The following TRPM3 variants were observed in gnomAD, a reference collection of about 807,000 sequenced individuals.
TRPM3 encodes the protein transient receptor potential cation channel subfamily M member 3.
In TRPM3, 77 loss-of-function variants were observed where a neutral mutation model predicts 181.2. The ratio of observed to expected loss-of-function variants is 0.42; its 90% CI spans 0.35 to 0.51. The LOEUF (loss-of-function observed/expected upper bound fraction) is 0.51, where lower values mean the gene tolerates loss of function less well. Ranked by LOEUF, TRPM3 falls within the 20% of genes least tolerant of loss-of-function variation. The pLI is 0.01. For missense variants in TRPM3, 1,759 were observed against 2,196.7 expected (o/e 0.80, Z 3.98); for synonymous variants, 745 against 796.4 (o/e 0.94, Z 1.09).
intron 8 of TRPM3, among the ~76,000 whole-genome samples, chr9:70,699,135 T>C (rs930414293): frequency 3.9e-5 from 6 of 152,312 alleles, no homozygotes; most frequent in African/African-American, 1.2e-4. Flanking sequence ...GCCTCTATCA[T>C]TAGCAGCCTA....
intron 1 of TRPM3, among the ~76,000 whole-genome samples, chr9:70,965,847 G>C (rs2097179523): frequency 6.6e-6 from 1 of 151,698 alleles, no homozygotes; most frequent in Non-Finnish European, 1.5e-5. Flanking sequence ...ATTTTCTTAG[G>C]ATAGTACCAG....
At chr9:70,624,813 T>A (rs968036136) in intron 14 of TRPM3, among the ~76,000 whole-genome samples, 2 of 152,224 alleles carry the variant, frequency 1.3e-5, no homozygotes, top group Non-Finnish European at 2.9e-5. Context: ...ATGTTTTTGT[T>A]TGTAAACATG....
At chr9:71,363,926 G>A (rs1254710772) in intron 1 of TRPM3, among the ~76,000 whole-genome samples, 1 of 152,178 alleles carries the variant, frequency 6.6e-6, no homozygotes, top group African/African-American at 2.4e-5. Context: ...TGAAATGCAT[G>A]GCCCAGCACA....
chr9:70,864,273 T>C (rs2095589981), intron 2 of TRPM3, among the ~76,000 whole-genome samples, 159 bp downstream of exon 2: 1 of 152,034 alleles, frequency 6.6e-6, no homozygotes, highest in South Asian at 2.1e-4. Flanking sequence ...TGACATATTA[T>C]ATAGTGTGTA....
At chr9:70,911,354 G>T (rs772921093) in intron 1 of TRPM3, among the ~76,000 whole-genome samples, 9 of 152,108 alleles carry the variant, frequency 5.9e-5, no homozygotes, top group Non-Finnish European at 7.4e-5. Flanking sequence ...CTTCCCCAAG[G>T]CTCCATTTAG....
At position 70,784,185 on chromosome 9, in the gene TRPM3, G is replaced by T; in HGVS notation, c.1068C>A (p.Pro356=). 6.2e-7 allele frequency: 1 copy of T among 1,613,730 alleles called. No individual in the cohort carries two copies. The highest frequency in any genetic ancestry group is 8.5e-7 in the Non-Finnish European group (1 of 1,179,814). ...IVLEYLRDTP[P]VPVVVCDGSG... ...TCCCATCACAGACAACCACTGGCAC[G>T]GGAGGGGTGTCTCGAAGGTACTCCA... The change falls in exon 7 of 26, where the codon CCC becomes CCA. Residue 356 remains proline (P), a synonymous_variant. Coordinates refer to ENST00000677713, the MANE Select transcript of TRPM3 (RefSeq NM_001366145.2).
chr9:71,311,190 G>C (rs986883762), intron 1 of TRPM3, among the ~76,000 whole-genome samples: 1 of 152,080 alleles, frequency 6.6e-6, no homozygotes, highest in East Asian at 1.9e-4. Context: ...TTAAAAAATT[G>C]TGCACAAAGT....
chr9:70,892,149 T>C (rs1477538334), intron 1 of TRPM3, among the ~76,000 whole-genome samples: 4 of 152,192 alleles, frequency 2.6e-5, no homozygotes, highest in African/African-American at 9.7e-5. Flanking sequence ...CCATGTTATT[T>C]TAACATTTTG....
chr9:70,654,609 A>G (rs2060022715), intron 9 of TRPM3, among the ~76,000 whole-genome samples: 1 of 152,014 alleles, frequency 6.6e-6, no homozygotes, highest in Non-Finnish European at 1.5e-5. Context: ...TCCTCCTTTT[A>G]AGAAAAACAG....
chr9:70,917,590 T>A (rs1457821965), intron 1 of TRPM3: 1 of 505,694 alleles, frequency 2.0e-6, no homozygotes, highest in Non-Finnish European at 3.6e-6. Context: ...AAATAATGGC[T>A]TATACTATAG....
chr9:71,348,673 G>A (rs568475913), intron 1 of TRPM3, among the ~76,000 whole-genome samples: 7 of 151,856 alleles, frequency 4.6e-5, no homozygotes, highest in Non-Finnish European at 8.8e-5. Context: ...GGGTTCAAGC[G>A]ATTGCCTCAG....
At chr9:70,747,747 C>G (rs11142562) in intron 8 of TRPM3, among the ~76,000 whole-genome samples, 23,143 of 151,778 alleles carry the variant, frequency 0.15, 2,357 homozygotes, top group East Asian at 0.39. Flanking sequence ...TACTATCTGC[C>G]ACTTTACAGA....
intron 6 of TRPM3, among the ~76,000 whole-genome samples, chr9:70,795,525 A>C (rs2086802647): frequency 6.6e-6 from 1 of 152,246 alleles, no homozygotes; most frequent in Non-Finnish European, 1.5e-5. Context: ...TCTTATGCAG[A>C]CTGATAATAT....
intron 1 of TRPM3, among the ~76,000 whole-genome samples, chr9:71,272,713 C>T (rs1366304817): frequency 1.3e-5 from 2 of 149,734 alleles, no homozygotes; most frequent in Non-Finnish European, 3.0e-5. Context: ...TCATACTATA[C>T]TTTTATCATT....
At chr9:70,982,244 C>T (rs1339818862) in intron 1 of TRPM3, among the ~76,000 whole-genome samples, 1 of 152,170 alleles carries the variant, frequency 6.6e-6, no homozygotes, top group Non-Finnish European at 1.5e-5. Context: ...CTATGTAAAT[C>T]TCAAAGGGGC....
At chr9:71,091,664 TTTC>T (rs1429789589) in intron 1 of TRPM3, among the ~76,000 whole-genome samples, 1 of 152,136 alleles carries the variant, frequency 6.6e-6, no homozygotes, top group African/African-American at 2.4e-5. Context: ...CTCCAATAAA[TTTC>T]TTCTGTGATT....
chr9:70,931,894 T>C lies in TRPM3; in HGVS notation c.178-67383A>G, dbSNP rs186832572. ...ACATAACTGCATTCTCTGGCATTTG[T>C]TGCTTTACCAATATGTTGAATGCTA... On this transcript the variant is annotated intron_variant, in intron 1 of 25. Coordinates refer to ENST00000677713, the MANE Select transcript of TRPM3 (RefSeq NM_001366145.2). Among the ~76,000 whole-genome samples the C allele has an allele frequency of 1.7e-4, 26 of 152,346 alleles. No homozygotes were observed. In the South Asian group the frequency reaches 2.7e-3, roughly 16 times the overall value.
At chr9:70,830,962 C>T (rs2093854439) in intron 5 of TRPM3, among the ~76,000 whole-genome samples, 1 of 152,068 alleles carries the variant, frequency 6.6e-6, no homozygotes, top group South Asian at 2.1e-4. Flanking sequence ...AAATCAGTGA[C>T]TTTTGTTTTG....
intron 8 of TRPM3, among the ~76,000 whole-genome samples, chr9:70,695,769 G>T (rs7854884): frequency 0.36 from 55,073 of 151,980 alleles, 10,241 homozygotes; most frequent in East Asian, 0.46. Context: ...CCCACAAAAG[G>T]ATACTCCTTA....
Sources: allele counts gnomAD v4.1 joint callset (sites outside exome capture counted in the v4.1 genomes callset), GRCh38; gene constraint gnomAD v4.1.1; transcripts MANE v1.5; gene names NCBI Gene and HGNC (gene_info 2026-07-23, HGNC 2026-07-21).